Variants in APP observed in about 807,000 individuals in gnomAD.
The protein encoded by APP is amyloid beta precursor protein.
A neutral mutation model predicts 101.4 loss-of-function variants in APP; 31 were observed. That is an observed-to-expected ratio of 0.31 (90% CI 0.23 to 0.41). The LOEUF is 0.41. Ranked by LOEUF, APP falls within the 10% of genes least tolerant of loss-of-function variation. APP has a pLI of 1.00. For missense variants in APP, 839 were observed against 1,003.7 expected (o/e 0.84, Z 2.22); for synonymous variants, 366 against 364.4 (o/e 1.00, Z -0.05).
chr21:26,129,028 T>C (rs1409735893), intron 1 of APP, among the ~76,000 whole-genome samples: 2 of 152,044 alleles, frequency 1.3e-5, no homozygotes, highest in Non-Finnish European at 2.9e-5. Context: ...AATAATTACA[T>C]GACATGAAGA....
At chr21:25,989,318 G>A (rs191767227) in intron 8 of APP, among the ~76,000 whole-genome samples, 42 of 152,176 alleles carry the variant, frequency 2.8e-4, no homozygotes, top group Admixed American at 6.5e-4. Flanking sequence ...TAATCATTGC[G>A]GAGCACTCCA....
At chr21:25,933,866 G>GA (rs1385764271) in intron 13 of APP, 2 of 151,842 alleles carry the variant, frequency 1.3e-5, no homozygotes, top group Admixed American at 1.3e-4. Flanking sequence ...GATAGTGGTT[G>GA]AAAAAATTTG....
chr21:26,144,611 A>T (rs996958851), intron 1 of APP, among the ~76,000 whole-genome samples: 5 of 152,230 alleles, frequency 3.3e-5, no homozygotes, highest in Admixed American at 3.3e-4. Flanking sequence ...AATACAAAAT[A>T]AGCTACAGAT....
chr21:26,067,217 C>CT (rs1242417343), intron 3 of APP, among the ~76,000 whole-genome samples: 1 of 152,170 alleles, frequency 6.6e-6, no homozygotes, highest in Non-Finnish European at 1.5e-5. Context: ...TTCATCATTT[C>CT]AACATGCAAT....
chr21:25,991,034 G>C (rs7276731), intron 8 of APP, among the ~76,000 whole-genome samples: 152,326 of 152,326 alleles, frequency 1, 76,163 homozygotes, highest in Non-Finnish European at 1. Context: ...TTGGATGGAG[G>C]TGGAGGCCAT....
At position 25,891,712 on chromosome 21, in the gene APP, GT is replaced by G; in HGVS notation, c.2211+9del. The G allele has an allele frequency of 6.2e-7, 1 of 1,613,900 alleles. No homozygotes were observed. The highest frequency in any genetic ancestry group is 8.5e-7 in the Non-Finnish European group (1 of 1,179,832). On this transcript the variant is annotated intron_variant, in intron 17 of 17. Coordinates refer to ENST00000346798, the MANE Select transcript of APP (RefSeq NM_000484.4). ...TTCCCACTTGGAAACATGCAGTCAA[GT>G]TTACCTACCTCCACCACACCATGAT... is the stretch of plus-strand genomic sequence containing the variant.
At chr21:26,060,473 A>G (rs1280500104) in intron 3 of APP, among the ~76,000 whole-genome samples, 4 of 152,214 alleles carry the variant, frequency 2.6e-5, no homozygotes, top group African/African-American at 9.6e-5. Flanking sequence ...CTGCATACTT[A>G]CAATTATGTC....
chr21:26,009,117 T>C (rs928096803), intron 6 of APP, among the ~76,000 whole-genome samples: 4 of 152,214 alleles, frequency 2.6e-5, no homozygotes, highest in African/African-American at 9.6e-5. Flanking sequence ...AATAGATATG[T>C]CAAAACGTGA....
intron 8 of APP, among the ~76,000 whole-genome samples, chr21:25,996,515 ATC>A (rs2043062011): frequency 6.6e-6 from 1 of 152,174 alleles, no homozygotes; most frequent in Non-Finnish European, 1.5e-5. Flanking sequence ...TATTTTAAAG[ATC>A]TTTCTTCCTT....
intron 1 of APP, among the ~76,000 whole-genome samples, chr21:26,152,449 A>C (rs1022423854): frequency 2.0e-5 from 3 of 152,124 alleles, no homozygotes; most frequent in Non-Finnish European, 4.4e-5. Flanking sequence ...TTACATGTAC[A>C]AAGAACTTAA....
At chr21:25,970,017 A>AGG (rs2041970244) in intron 11 of APP, among the ~76,000 whole-genome samples, 1 of 148,614 alleles carries the variant, frequency 6.7e-6, no homozygotes, top group Non-Finnish European at 1.5e-5. Flanking sequence ...AGAGAGAGAG[A>AGG]GAGAGAAAAT....
chr21:26,024,890 G>A (rs2146793477), intron 5 of APP, among the ~76,000 whole-genome samples: 1 of 152,260 alleles, frequency 6.6e-6, no homozygotes, highest in Non-Finnish European at 1.5e-5. Flanking sequence ...TGTGGCTAAA[G>A]AATAAAAAGA....
intron 11 of APP, among the ~76,000 whole-genome samples, chr21:25,958,155 G>C (rs1393849426): frequency 6.6e-6 from 1 of 152,046 alleles, no homozygotes; most frequent in African/African-American, 2.4e-5. Context: ...GGCTGGCCTT[G>C]GCATTACTAC....
chr21:26,012,336 C>A (rs542904167), intron 6 of APP, among the ~76,000 whole-genome samples: 16 of 151,964 alleles, frequency 1.1e-4, no homozygotes, highest in African/African-American at 3.9e-4. Flanking sequence ...GTAAAAGTCT[C>A]AATGTTTACA....
intron 16 of APP, among the ~76,000 whole-genome samples, chr21:25,897,070 G>C (rs1322869745): frequency 6.6e-6 from 1 of 152,034 alleles, no homozygotes; most frequent in East Asian, 1.9e-4. Flanking sequence ...TAAGTCCCGA[G>C]TCATGCACGA....
intron 1 of APP, among the ~76,000 whole-genome samples, chr21:26,128,199 C>G (rs1386535845): frequency 6.6e-6 from 1 of 152,210 alleles, no homozygotes; most frequent in Non-Finnish European, 1.5e-5. Context: ...ACCCCAGCTA[C>G]ACGCTCAGTG....
At chr21:25,988,387 A>G (rs1194335191) in intron 8 of APP, among the ~76,000 whole-genome samples, 2 of 152,156 alleles carry the variant, frequency 1.3e-5, no homozygotes, top group African/African-American at 4.8e-5. Context: ...ATGGGACAAA[A>G]GTAGAAGGAA....
At chr21:26,134,351 T>C (rs2062852734) in intron 1 of APP, among the ~76,000 whole-genome samples, 2 of 152,238 alleles carry the variant, frequency 1.3e-5, no homozygotes, top group South Asian at 4.1e-4. Flanking sequence ...CCCCAGGTTG[T>C]AGCCTGTGCT....
intron 1 of APP, 111 bp from the exon 2 acceptor site, chr21:26,112,257 T>A: frequency 8.6e-7 from 1 of 1,168,554 alleles, no homozygotes. Context: ...CATTCTCAAT[T>A]AGGAATCAGC....
Sources: allele counts gnomAD v4.1 joint callset (sites outside exome capture counted in the v4.1 genomes callset), GRCh38; gene constraint gnomAD v4.1.1; transcripts MANE v1.5; gene names NCBI Gene and HGNC (gene_info 2026-07-23, HGNC 2026-07-21).